SLC44A5: variants seen among roughly 807,000 people sequenced by gnomAD.
SLC44A5 encodes solute carrier family 44 member 5.
In SLC44A5, 57 loss-of-function variants were observed where a neutral mutation model predicts 101.8. That is an observed-to-expected ratio of 0.56 (90% CI 0.45 to 0.70). The LOEUF (loss-of-function observed/expected upper bound fraction) is 0.70. Among genes scored for constraint, SLC44A5 ranks in the 30% least tolerant of loss-of-function variants. The pLI, the probability that SLC44A5 is intolerant of heterozygous loss-of-function variation, is 0.00. For missense variants in SLC44A5, 737 were observed against 853.1 expected (o/e 0.86, Z 1.70); for synonymous variants, 281 against 290.9 (o/e 0.97, Z 0.35).
At chr1:75,484,544 T>C (rs952389004) in intron 2 of SLC44A5, among the ~76,000 whole-genome samples, 4 of 152,232 alleles carry the variant, frequency 2.6e-5, no homozygotes, top group Non-Finnish European at 5.9e-5. Context: ...TAGCTGGCAT[T>C]GAGTGCCTGT....
chr1:75,287,891 A>G (rs996457453), intron 5 of SLC44A5, among the ~76,000 whole-genome samples: 1 of 152,128 alleles, frequency 6.6e-6, no homozygotes, highest in Non-Finnish European at 1.5e-5. Context: ...CCTTGGTTGT[A>G]GATTTATTTA....
intron 4 of SLC44A5, among the ~76,000 whole-genome samples, chr1:75,303,073 G>C (rs1022756874): frequency 6.6e-6 from 1 of 152,152 alleles, no homozygotes; most frequent in African/African-American, 2.4e-5. Context: ...TATTCATAAT[G>C]ACTCTATGTT....
At chr1:75,454,674 T>A (rs1666090496) in intron 2 of SLC44A5, among the ~76,000 whole-genome samples, 1 of 152,218 alleles carries the variant, frequency 6.6e-6, no homozygotes, top group Admixed American at 6.5e-5. Context: ...CTAGACCTGA[T>A]AAACAACTTC....
intron 2 of SLC44A5, among the ~76,000 whole-genome samples, chr1:75,524,074 T>C (rs967962711): frequency 6.6e-6 from 1 of 152,208 alleles, no homozygotes; most frequent in Non-Finnish European, 1.5e-5. Context: ...AATTATAATC[T>C]GCAGTGTTTG....
chr1:75,511,138 G>A (rs1243379786), intron 2 of SLC44A5, among the ~76,000 whole-genome samples: 2 of 151,910 alleles, frequency 1.3e-5, no homozygotes, highest in East Asian at 3.9e-4. Context: ...GCGAGACTCC[G>A]TCTCAGAAAA....
At chr1:75,361,009 T>C (rs556180215) in intron 3 of SLC44A5, among the ~76,000 whole-genome samples, 4 of 152,298 alleles carry the variant, frequency 2.6e-5, no homozygotes, top group South Asian at 4.1e-4. Flanking sequence ...GTTTTTGGTA[T>C]ACAAATATTT....
intron 6 of SLC44A5, among the ~76,000 whole-genome samples, chr1:75,261,023 C>A (rs1030736463): frequency 6.6e-6 from 1 of 152,026 alleles, no homozygotes; most frequent in African/African-American, 2.4e-5. Context: ...ACATTTAAAG[C>A]AGTCTGTAGA....
At chr1:75,398,830 C>G (rs1315140066) in intron 2 of SLC44A5, among the ~76,000 whole-genome samples, 1 of 152,000 alleles carries the variant, frequency 6.6e-6, no homozygotes, top group African/African-American at 2.4e-5. Flanking sequence ...TGTAGGCTGC[C>G]TTCTGGTGTC....
At chr1:75,465,826 C>A (rs1666782859) in intron 2 of SLC44A5, among the ~76,000 whole-genome samples, 1 of 151,994 alleles carries the variant, frequency 6.6e-6, no homozygotes, top group Non-Finnish European at 1.5e-5. Flanking sequence ...CAAGATTGAA[C>A]CAGGAAAAAA....
At chr1:75,374,639 C>T (rs181477340) in intron 3 of SLC44A5, among the ~76,000 whole-genome samples, 3 of 152,100 alleles carry the variant, frequency 2.0e-5, no homozygotes, top group Non-Finnish European at 4.4e-5. Flanking sequence ...ATCTGCCAGC[C>T]CTGACTCTTA....
chr1:75,293,138 G>T (rs966147050), intron 5 of SLC44A5, among the ~76,000 whole-genome samples: 8 of 152,222 alleles, frequency 5.3e-5, no homozygotes, highest in Non-Finnish European at 1.2e-4. Flanking sequence ...GAAATTCATA[G>T]CAGATAACCA....
At chr1:75,693,422 T>C in the SLC44A5 span, among the ~76,000 whole-genome samples, 2 of 152,164 alleles carry the variant, frequency 1.3e-5, no homozygotes, top group Non-Finnish European at 2.9e-5. Context: ...TGCCTCCTAG[T>C]TTTTCAAAGA....
intron 3 of SLC44A5, 121 bp downstream of exon 3, chr1:75,396,462 G>A: frequency 1.2e-6 from 1 of 834,570 alleles, no homozygotes; most frequent in Non-Finnish European, 1.9e-6. Flanking sequence ...GCTTCAGTCA[G>A]CAATTATTCT....
At chr1:75,698,320 T>C in the SLC44A5 span, among the ~76,000 whole-genome samples, 4 of 152,208 alleles carry the variant, frequency 2.6e-5, no homozygotes, top group African/African-American at 9.6e-5. Flanking sequence ...ATGGACAGAC[T>C]GCCTCCTCAA....
intron 10 of SLC44A5, among the ~76,000 whole-genome samples, 197 bp downstream of exon 10, chr1:75,238,316 G>A (rs1015403271): frequency 1.8e-4 from 26 of 146,526 alleles, no homozygotes; most frequent in African/African-American, 6.3e-4. Flanking sequence ...ATGATTCTGG[G>A]TTCTCCCTTA....
intron 1 of SLC44A5, among the ~76,000 whole-genome samples, chr1:75,545,832 T>C (rs1427733748): frequency 6.6e-6 from 1 of 151,856 alleles, no homozygotes; most frequent in Non-Finnish European, 1.5e-5. Flanking sequence ...TTCTTTTTTT[T>C]TTTTTCTTTG....
intron 2 of SLC44A5, among the ~76,000 whole-genome samples, chr1:75,481,627 T>A (rs1040285694): frequency 6.6e-6 from 1 of 151,726 alleles, no homozygotes; most frequent in African/African-American, 2.4e-5. Flanking sequence ...AAGAAGACAT[T>A]TATGCAGCCA....
chr1:75,253,223 G>A (rs1368090282), intron 6 of SLC44A5, among the ~76,000 whole-genome samples: 2 of 152,178 alleles, frequency 1.3e-5, no homozygotes, highest in East Asian at 3.9e-4. Flanking sequence ...AGGAAGAGAG[G>A]AGACAAGTAA....
chr1:75,677,191 G>GA, the SLC44A5 span, among the ~76,000 whole-genome samples: 55 of 151,466 alleles, frequency 3.6e-4, no homozygotes, highest in Middle Eastern at 3.4e-3. Flanking sequence ...AGTAAATACA[G>GA]AAAAAAAACA....
Sources: gnomAD v4.1 joint callset for allele counts (sites outside exome capture counted in the v4.1 genomes callset) on GRCh38, gnomAD v4.1.1 for gene constraint, MANE v1.5 for transcripts, NCBI Gene and HGNC (gene_info 2026-07-23, HGNC 2026-07-21) for gene names.